CELF2: variants seen among roughly 807,000 people sequenced by gnomAD.
CELF2 encodes CUG triplet repeat RNA-binding protein 2.
In CELF2, 8 loss-of-function variants were observed where a neutral mutation model predicts 62.6. The observed-to-expected ratio is 0.13, with a 90% CI of 0.07 to 0.23. The LOEUF (loss-of-function observed/expected upper bound fraction) is 0.23, where lower values mean the gene tolerates loss of function less well. Ranked by LOEUF, CELF2 falls within the 10% of genes least tolerant of loss-of-function variation. CELF2 has a pLI of 1.00. For synonymous variants in CELF2, 258 were observed against 250.0 expected (o/e 1.03, Z -0.30); for missense variants, 333 against 671.0 (o/e 0.50, Z 5.56).
chr10:11,115,185 C>T (rs1161561492), intron 1 of CELF2, among the ~76,000 whole-genome samples: 1 of 151,534 alleles, frequency 6.6e-6, no homozygotes, highest in Admixed American at 6.6e-5. Flanking sequence ...GAGATGTACA[C>T]ATCTACACAA....
the CELF2 span, among the ~76,000 whole-genome samples, chr10:10,564,680 A>ACG: frequency 2.4e-3 from 314 of 131,606 alleles, 1 homozygote; most frequent in East Asian, 0.01. Flanking sequence ...ACACGCACAC[A>ACG]CGCACACACA....
the CELF2 span, among the ~76,000 whole-genome samples, chr10:10,469,988 G>A: frequency 2.0e-5 from 3 of 151,888 alleles, no homozygotes; most frequent in South Asian, 2.1e-4. Flanking sequence ...AAAACTTCTT[G>A]AGCACCCAAC....
chr10:10,504,088 T>C, the CELF2 span, among the ~76,000 whole-genome samples: 1 of 152,112 alleles, frequency 6.6e-6, no homozygotes, highest in Non-Finnish European at 1.5e-5. Flanking sequence ...TAGATACACA[T>C]AATTTTTGCT....
the CELF2 span, among the ~76,000 whole-genome samples, chr10:10,649,580 C>T: frequency 6.6e-6 from 1 of 152,140 alleles, no homozygotes; most frequent in Non-Finnish European, 1.5e-5. Flanking sequence ...TCTTAGACAA[C>T]AGCTTAAATT....
rs577010975 is a variant in CELF2, at chr10:11,269,043, C to A, written c.619-1623C>A. Among the ~76,000 whole-genome samples, 1 of 152,158 alleles carries A rather than the reference C, an allele frequency of 6.6e-6. No homozygotes were observed. Among genetic ancestry groups the A allele is most frequent in the South Asian group, 2.1e-4 (1 of 4,828 alleles). ...TTTAAGGAAGAAAAAAATAGATGTT[C>A]TGTTAGGAGAGATGCTATAATTTGT... On this transcript the variant is annotated intron_variant, in intron 6 of 12. Transcript: ENST00000633077. This position sits in a 1 kb window ranked among gnomAD's most constrained non-coding sequence, Gnocchi z 4.4.
intron 2 of CELF2, among the ~76,000 whole-genome samples, chr10:11,173,832 G>C (rs2069896543): frequency 6.6e-6 from 1 of 152,194 alleles, no homozygotes; most frequent in Non-Finnish European, 1.5e-5. Context: ...ACCTAAGAAG[G>C]GCTGGAAAGA....
At chr10:10,754,061 G>GGTTTT in the CELF2 span, among the ~76,000 whole-genome samples, 824 of 85,032 alleles carry the variant, frequency 9.7e-3, 34 homozygotes, top group African/African-American at 0.034. Context: ...TGCTGAGGTG[G>GGTTTT]TTTTTTTTTT....
chr10:10,799,893 A>C (rs924944820), intron 1 of CELF2, among the ~76,000 whole-genome samples: 1 of 152,218 alleles, frequency 6.6e-6, no homozygotes, highest in Non-Finnish European at 1.5e-5. Context: ...GATTTTTGTT[A>C]AAAGTGGTTC....
At chr10:11,288,311 C>A in intron 8 of CELF2, 107 bp from the exon 9 acceptor site, 1 of 1,411,398 alleles carries the variant, frequency 7.1e-7, no homozygotes, top group Non-Finnish European at 9.6e-7. Context: ...TGCACAGGGT[C>A]GTCTGCTCTC....
intron 1 of CELF2, among the ~76,000 whole-genome samples, chr10:10,808,252 C>A (rs988429994): frequency 6.6e-6 from 1 of 152,188 alleles, no homozygotes; most frequent in Non-Finnish European, 1.5e-5. Flanking sequence ...ACACAAAGGG[C>A]ATTGACAAAT....
chr10:10,500,064 G>A, the CELF2 span, among the ~76,000 whole-genome samples: 1 of 152,098 alleles, frequency 6.6e-6, no homozygotes, highest in East Asian at 1.9e-4. Context: ...ATTTAAGTGA[G>A]TCATAGTAAC....
chr10:11,142,878 G>T (rs908801721), intron 1 of CELF2, among the ~76,000 whole-genome samples: 2 of 150,198 alleles, frequency 1.3e-5, no homozygotes, highest in Non-Finnish European at 3.0e-5. Flanking sequence ...TCCACTGGGG[G>T]GACTCAGTCC....
At chr10:10,794,642 A>G (rs1482473896), upstream of CELF2, 3 of 152,128 alleles carry the variant, frequency 2.0e-5, no homozygotes, top group East Asian at 5.8e-4. Flanking sequence ...GCAGCAACTT[A>G]CTAAGACACC....
intron 1 of CELF2, among the ~76,000 whole-genome samples, chr10:10,829,739 T>C (rs141785063): frequency 8.5e-5 from 13 of 152,212 alleles, no homozygotes; most frequent in South Asian, 4.1e-4. Context: ...TCCCCAGAGA[T>C]AAGAAGCAAA....
the CELF2 span, among the ~76,000 whole-genome samples, chr10:10,765,149 C>T: frequency 1.3e-5 from 2 of 152,138 alleles, no homozygotes; most frequent in Non-Finnish European, 2.9e-5. Context: ...ACAGTGTGTC[C>T]AGGGCAGGAA....
At chr10:10,595,355 C>A in the CELF2 span, among the ~76,000 whole-genome samples, 12 of 152,102 alleles carry the variant, frequency 7.9e-5, no homozygotes, top group Non-Finnish European at 1.3e-4. Context: ...GTGCTGGGAC[C>A]AGGTCAGGGC....
intron 11 of CELF2, among the ~76,000 whole-genome samples, chr10:11,323,030 A>C (rs2095526508): frequency 6.6e-6 from 1 of 152,024 alleles, no homozygotes; most frequent in Admixed American, 6.5e-5. Flanking sequence ...CCTTCCAGTA[A>C]ACTCTAGAGC....
At chr10:11,295,269 G>A (rs2093033585) in intron 9 of CELF2, among the ~76,000 whole-genome samples, 1 of 152,096 alleles carries the variant, frequency 6.6e-6, no homozygotes, top group African/African-American at 2.4e-5. Flanking sequence ...AACTGTTCCA[G>A]CACTGGAGAC....
chr10:11,054,899 C>G (rs113071199), intron 1 of CELF2, among the ~76,000 whole-genome samples: 1,874 of 152,120 alleles, frequency 0.012, 33 homozygotes, highest in African/African-American at 0.042. Context: ...ATTTTTAGTA[C>G]AGATGGGGTT....
Sources: gnomAD v4.1 joint callset for allele counts (sites outside exome capture counted in the v4.1 genomes callset) on GRCh38, gnomAD v4.1.1 for gene constraint, Gnocchi (gnomAD v3.1) non-coding constraint, MANE v1.5 for transcripts, NCBI Gene and HGNC (gene_info 2026-07-23, HGNC 2026-07-21) for gene names.